COBLL1: variants seen among roughly 807,000 people sequenced by gnomAD.
COBLL1 encodes cordon-bleu protein-like 1.
A neutral mutation model predicts 94.8 loss-of-function variants in COBLL1; 50 were observed. That is an observed-to-expected ratio of 0.53 (90% CI 0.42 to 0.67). The LOEUF is 0.67. Among genes scored for constraint, COBLL1 ranks in the 30% least tolerant of loss-of-function variants. The pLI is 0.00. For synonymous variants in COBLL1, 448 were observed against 473.8 expected (o/e 0.95, Z 0.71); for missense variants, 1,362 against 1,348.7 (o/e 1.01, Z -0.15).
intron 2 of COBLL1, among the ~76,000 whole-genome samples, chr2:164,774,061 T>C (rs747270377): frequency 1.3e-5 from 2 of 152,186 alleles, no homozygotes; most frequent in Non-Finnish European, 2.9e-5. Flanking sequence ...TCTCAACATA[T>C]ACAAAATCTT....
At chr2:164,751,584 C>A (rs958369057) in intron 2 of COBLL1, among the ~76,000 whole-genome samples, 1 of 152,046 alleles carries the variant, frequency 6.6e-6, no homozygotes, top group Non-Finnish European at 1.5e-5. Flanking sequence ...TCTTATGAGG[C>A]CATTGCCACT....
chr2:164,670,222 C>T (rs982427159), intron 1 of COBLL1, among the ~76,000 whole-genome samples: 1 of 152,014 alleles, frequency 6.6e-6, no homozygotes. Flanking sequence ...AAAGACTGAC[C>T]AGTAAGTGGA....
chr2:164,795,441 C>A (rs1319778332), intron 2 of COBLL1, among the ~76,000 whole-genome samples: 1 of 152,070 alleles, frequency 6.6e-6, no homozygotes, highest in Non-Finnish European at 1.5e-5. Flanking sequence ...TTAATCATTT[C>A]TATTAATTCG....
intron 2 of COBLL1, chr2:164,800,673 T>G (rs767705854): frequency 1.5e-6 from 1 of 651,386 alleles, no homozygotes; most frequent in African/African-American, 1.8e-5. Flanking sequence ...AATGGGTGAA[T>G]GGATAAAGAA....
chr2:164,805,287 GTCTCTCTCTCTCTCTC>G (rs543005860), intron 2 of COBLL1, among the ~76,000 whole-genome samples: 743 of 34,166 alleles, frequency 0.022, 77 homozygotes, highest in East Asian at 0.16. Flanking sequence ...CTCTCTGTCT[GTCTCTCTCTCTCTCTC>G]TCTCTCTCTC....
At chr2:164,779,657 T>C in intron 2 of COBLL1, 1 of 470,930 alleles carries the variant, frequency 2.1e-6, no homozygotes, top group Non-Finnish European at 4.4e-6. Context: ...ACGGTCACCT[T>C]ACGGCAGGGA....
intron 2 of COBLL1, among the ~76,000 whole-genome samples, chr2:164,744,346 T>A (rs1477477513): frequency 6.6e-6 from 1 of 152,152 alleles, no homozygotes; most frequent in Non-Finnish European, 1.5e-5. Flanking sequence ...AAACCCTACC[T>A]TATCCTTCAG....
At chr2:164,823,424 G>A (rs980277806) in intron 2 of COBLL1, among the ~76,000 whole-genome samples, 13 of 152,020 alleles carry the variant, frequency 8.6e-5, no homozygotes, top group Admixed American at 7.2e-4. Flanking sequence ...CTGTTAAATC[G>A]ATCCCTGTCC....
intron 3 of COBLL1, among the ~76,000 whole-genome samples, chr2:164,736,233 C>T (rs184267592): frequency 3.9e-5 from 6 of 152,222 alleles, no homozygotes; most frequent in Admixed American, 6.5e-5. Context: ...AAAACATTCT[C>T]TATTGCTGCT....
chr2:164,698,194 T>G (rs1002154096), intron 11 of COBLL1: 3 of 151,954 alleles, frequency 2.0e-5, no homozygotes, highest in African/African-American at 4.8e-5. Context: ...TTTTAAATCA[T>G]AATTTCTCAA....
intron 2 of COBLL1, among the ~76,000 whole-genome samples, chr2:164,800,228 C>T (rs550810698): frequency 6.6e-6 from 1 of 152,212 alleles, no homozygotes; most frequent in East Asian, 1.9e-4. Flanking sequence ...GAATATTCTG[C>T]AGTAAGAAAA....
chr2:164,703,526 G>GCTGCCATTTATATTATT, intron 9 of COBLL1: 1 of 400,240 alleles, frequency 2.5e-6, no homozygotes, highest in Non-Finnish European at 4.8e-6. Context: ...CTGAGTAAAA[G>GCTGCCATTTATATTATT]CTGAGAAAAA....
intron 3 of COBLL1, among the ~76,000 whole-genome samples, chr2:164,731,321 A>G (rs1368238127): frequency 6.6e-6 from 1 of 152,216 alleles, no homozygotes; most frequent in East Asian, 1.9e-4. Flanking sequence ...GTTTAATACT[A>G]TTGGTAATAC....
chr2:164,664,420 A>C (rs1039150375), intron 2 of COBLL1, among the ~76,000 whole-genome samples: 1 of 152,344 alleles, frequency 6.6e-6, no homozygotes, highest in African/African-American at 2.4e-5. Flanking sequence ...ACAAAATGAA[A>C]AGTTCAATAT....
chr2:164,728,392 T>C (rs1180981561), intron 4 of COBLL1, among the ~76,000 whole-genome samples, 195 bp from the exon 5 acceptor site: 1 of 152,122 alleles, frequency 6.6e-6, no homozygotes, highest in Non-Finnish European at 1.5e-5. Context: ...GCAAACACAT[T>C]AGTTTATTTA....
At position 164,841,423 on chromosome 2, in the gene COBLL1, T is replaced by A. The variant is rs535285294; in HGVS notation, c.-50-177A>T. ...AGCCCGCGGGCGCCGCCGCCGTCTCTACAAGGTCTAGCGGGCGCCCAGAGC... is the reference window on the plus strand; with the variant it reads ...AGCCCGCGGGCGCCGCCGCCGTCTCAACAAGGTCTAGCGGGCGCCCAGAGC... On this transcript the variant is annotated intron_variant, in intron 1 of 13. Transcript: ENST00000652658. This position sits in a 1 kb window ranked among gnomAD's most constrained non-coding sequence, Gnocchi z 5.5. 4.3e-6 allele frequency: 5 copies of A among 1,153,992 alleles called. No homozygotes were observed. The highest frequency in any genetic ancestry group is 3.5e-4 in the Middle Eastern group (1 of 2,844). 71.5% of individuals were successfully genotyped at this position (1,153,992 alleles called of 1,614,324 possible). A position where few individuals can be genotyped will look rare whatever the true frequency, so the allele number is the denominator to read the frequency against.
intron 2 of COBLL1, among the ~76,000 whole-genome samples, chr2:164,749,798 AT>A (rs533320955): frequency 4.6e-4 from 69 of 150,624 alleles, no homozygotes; most frequent in Admixed American, 1.7e-3. Context: ...CTCATATTAC[AT>A]TTTTTTTTTC....
At chr2:164,808,331 C>T (rs1264926781) in intron 2 of COBLL1, among the ~76,000 whole-genome samples, 1 of 152,116 alleles carries the variant, frequency 6.6e-6, no homozygotes, top group African/African-American at 2.4e-5. Flanking sequence ...TATACAATAG[C>T]TTAGGGACTT....
At chr2:164,772,141 A>C (rs1422222544) in intron 2 of COBLL1, 1 of 145,432 alleles carries the variant, frequency 6.9e-6, no homozygotes, top group East Asian at 1.9e-4. Context: ...GTTAATCCTC[A>C]CAGTGTGTGG....
Sources: allele counts gnomAD v4.1 joint callset (sites outside exome capture counted in the v4.1 genomes callset), GRCh38; gene constraint gnomAD v4.1.1; non-coding constraint Gnocchi (gnomAD v3.1); transcripts MANE v1.5; gene names NCBI Gene and HGNC (gene_info 2026-07-23, HGNC 2026-07-21).